The following MGAT4C variants were observed in gnomAD, a reference collection of about 807,000 sequenced individuals.
The protein encoded by MGAT4C is MGAT4 family member C.
MGAT4C carries 19 observed loss-of-function variants against 40.1 expected under a neutral mutation model. The observed-to-expected ratio is 0.47, with a 90% CI of 0.33 to 0.70. The LOEUF (loss-of-function observed/expected upper bound fraction) is 0.70, where lower values mean the gene tolerates loss of function less well. Among genes scored for constraint, MGAT4C ranks in the 30% least tolerant of loss-of-function variants. The pLI, the probability that MGAT4C is intolerant of heterozygous loss-of-function variation, is 0.02. For synonymous variants in MGAT4C, 181 were observed against 187.1 expected (o/e 0.97, Z 0.27); for missense variants, 491 against 563.2 (o/e 0.87, Z 1.30).
chr12:86,337,586 CAAAAA>C (rs59069586), intron 3 of MGAT4C, among the ~76,000 whole-genome samples: 4 of 65,648 alleles, frequency 6.1e-5, no homozygotes, highest in Non-Finnish European at 1.2e-4. Context: ...AATCTTGTCT[CAAAAA>C]AAAAAAAAAA....
intron 2 of MGAT4C, among the ~76,000 whole-genome samples, chr12:86,516,588 C>T (rs1341371698): frequency 6.6e-6 from 1 of 151,714 alleles, no homozygotes; most frequent in East Asian, 1.9e-4. Flanking sequence ...AGACCAAAAG[C>T]ACAAACAATA....
chr12:86,823,955 C>A (rs1209823716), intron 1 of MGAT4C, among the ~76,000 whole-genome samples: 1 of 151,300 alleles, frequency 6.6e-6, no homozygotes, highest in African/African-American at 2.4e-5. Context: ...TCAGTTGCAA[C>A]CACGGTTTGA....
intron 1 of MGAT4C, among the ~76,000 whole-genome samples, chr12:86,083,116 A>G (rs562966249): frequency 1.3e-5 from 2 of 152,218 alleles, no homozygotes; most frequent in East Asian, 1.9e-4. Context: ...TCATTTAGTC[A>G]TAAGCCTCTC....
rs1311804932 is a variant in MGAT4C, at chr12:85,959,715, T to A, written c.*19574A>T. ...TCTCACTTTTTTCTGCTTTTTTTTT[T>A]TTTTTATTTTCTGCTTGCTGAAATC... is the stretch of plus-strand genomic sequence containing the variant. On this transcript the variant is annotated 3_prime_UTR_variant, in exon 5 of 5. Coordinates refer to ENST00000611864, the MANE Select transcript of MGAT4C (RefSeq NM_001351288.2). The A allele has an allele frequency of 6.6e-6, 1 of 151,802 alleles. No individual in the cohort carries two copies. The highest frequency in any genetic ancestry group is 1.5e-5 in the Non-Finnish European group (1 of 67,880). The allele number at this position is 151,802 out of a possible 1,614,324, so 9.4% of individuals were successfully genotyped here. A position where few individuals can be genotyped will look rare whatever the true frequency, so the allele number is the denominator to read the frequency against.
intron 3 of MGAT4C, among the ~76,000 whole-genome samples, chr12:86,340,909 T>C (rs985433301): frequency 5.9e-5 from 9 of 152,166 alleles, no homozygotes; most frequent in Admixed American, 1.3e-4. Flanking sequence ...ACCTGGTTGA[T>C]TTTAAGTTCT....
In MGAT4C at chr12:86,743,142, G is replaced by GTC. The variant is rs879646873; in HGVS notation, c.-261-15902_-261-15901insGA. Among the ~76,000 whole-genome samples the GTC allele has an allele frequency of 5.5e-3, 828 of 150,942 alleles. 3 individuals are homozygous for GTC. Among genetic ancestry groups the GTC allele is most frequent in the Non-Finnish European group, 8.9e-3 (599 of 67,478 alleles). ...TGTGTGTGTGTGTGTGTGTGTGTGT[G>GTC]TGTGTATAGAAGTGTCATTTCGGGG... On this transcript the variant is annotated intron_variant, in intron 1 of 7. Transcript: ENST00000548651.
At chr12:86,231,038 A>G (rs1279668506) in intron 1 of MGAT4C, among the ~76,000 whole-genome samples, 1 of 152,282 alleles carries the variant, frequency 6.6e-6, no homozygotes, top group South Asian at 2.1e-4. Context: ...GCCGAGTCAA[A>G]TTGAAATAAA....
rs539198270 is a variant in MGAT4C at position 86,037,074 on chromosome 12, C to T, written c.-7+12600G>A. Among the ~76,000 whole-genome samples, 105 of 149,954 alleles carry T rather than the reference C, an allele frequency of 7.0e-4. 2 individuals are homozygous for T. Among genetic ancestry groups the T allele is most frequent in the African/African-American group, 2.0e-3 (83 of 41,234 alleles). On this transcript the variant is annotated intron_variant, in intron 2 of 4. Transcript: ENST00000611864. The stretch of plus-strand genomic sequence containing the variant: ...TCTTCTAGATTTTCTAGTTTATTTG[C>T]GTAGAAGTGTTTATAGTATTTTCTA...
chr12:86,265,759 A>G (rs929813740), intron 4 of MGAT4C, among the ~76,000 whole-genome samples: 1 of 152,208 alleles, frequency 6.6e-6, no homozygotes, highest in Admixed American at 6.5e-5. Context: ...GGTCATTTTA[A>G]TGATATTTGT....
At chr12:86,582,062 G>A (rs892381208) in intron 2 of MGAT4C, among the ~76,000 whole-genome samples, 7 of 151,342 alleles carry the variant, frequency 4.6e-5, no homozygotes, top group African/African-American at 1.7e-4. Flanking sequence ...TTGGCATAAT[G>A]CACATGAGTT....
At chr12:86,257,242 C>T (rs1952546684), upstream of MGAT4C, among the ~76,000 whole-genome samples, 1 of 152,134 alleles carries the variant, frequency 6.6e-6, no homozygotes, top group South Asian at 2.1e-4. Context: ...GGCTTAAATC[C>T]AGTGGGAGAG....
intron 2 of MGAT4C, among the ~76,000 whole-genome samples, chr12:86,655,958 A>G (rs1031312389): frequency 3.5e-4 from 53 of 152,080 alleles, no homozygotes; most frequent in African/African-American, 1.3e-3. Flanking sequence ...TTGCCTGATA[A>G]GTTTATCTAG....
At chr12:86,246,111 C>T (rs1392775343) in intron 1 of MGAT4C, among the ~76,000 whole-genome samples, 2 of 149,952 alleles carry the variant, frequency 1.3e-5, no homozygotes, top group Non-Finnish European at 3.0e-5. Flanking sequence ...CAGTTAATTT[C>T]TCCAATGTCT....
At chr12:86,014,925 G>A (rs763996780) in intron 2 of MGAT4C, among the ~76,000 whole-genome samples, 19 of 151,298 alleles carry the variant, frequency 1.3e-4, no homozygotes, top group Non-Finnish European at 1.9e-4. Flanking sequence ...GGGACTACTG[G>A]CATGTGCCAC....
chr12:86,123,825 A>AT (rs1258114354), intron 1 of MGAT4C, among the ~76,000 whole-genome samples: 1 of 152,082 alleles, frequency 6.6e-6, no homozygotes, highest in Non-Finnish European at 1.5e-5. Context: ...CAATCAGGTT[A>AT]TTTTATAAAA....
chr12:86,195,349 G>T (rs1949762894), intron 1 of MGAT4C, among the ~76,000 whole-genome samples: 2 of 151,872 alleles, frequency 1.3e-5, no homozygotes, highest in Non-Finnish European at 2.9e-5. Context: ...GTCTTCTATA[G>T]GCCAGTCTTT....
intron 2 of MGAT4C, among the ~76,000 whole-genome samples, chr12:86,600,815 T>C (rs559354763): frequency 6.6e-6 from 1 of 152,248 alleles, no homozygotes; most frequent in East Asian, 1.9e-4. Flanking sequence ...AGCCATGGCT[T>C]TGGACTCCGG....
chr12:85,964,574 TG>T lies in MGAT4C; in HGVS notation c.*14714del, dbSNP rs1472784665. 6.6e-6 allele frequency: 1 copy of T among 152,166 alleles called. No homozygotes were observed. The highest frequency in any genetic ancestry group is 2.4e-5 in the African/African-American group (1 of 41,452). The allele number at this position is 152,166 out of a possible 1,614,324, so 9.4% of individuals were successfully genotyped here. On this transcript the variant is annotated 3_prime_UTR_variant, in exon 5 of 5. Coordinates refer to ENST00000611864, the MANE Select transcript of MGAT4C (RefSeq NM_001351288.2). Reference sequence around the variant, plus strand: ...GTTAAGGCAAATACATCATGTTTACTGGTAAAGATAACATTATTTAAGGAAG... The same window carrying T: ...GTTAAGGCAAATACATCATGTTTACTGTAAAGATAACATTATTTAAGGAAG...
intron 1 of MGAT4C, among the ~76,000 whole-genome samples, chr12:86,779,283 T>C (rs118097217): frequency 0.034 from 5,219 of 152,214 alleles, 138 homozygotes; most frequent in Non-Finnish European, 0.048. Flanking sequence ...TTGTGAAAAC[T>C]ATTTATTATC....
Sources: gnomAD v4.1 joint callset for allele counts (sites outside exome capture counted in the v4.1 genomes callset) on GRCh38, gnomAD v4.1.1 for gene constraint, MANE v1.5 for transcripts, NCBI Gene and HGNC (gene_info 2026-07-23, HGNC 2026-07-21) for gene names.